Variants in C12orf42 observed in about 807,000 individuals in gnomAD.
C12orf42 encodes uncharacterized protein C12orf42.
C12orf42 carries 25 observed loss-of-function variants against 21.6 expected under a neutral mutation model. The ratio of observed to expected loss-of-function variants is 1.16; its 90% CI spans 0.84 to 1.62. The LOEUF is 1.62. Ranked by LOEUF, C12orf42 falls within the 40% of genes most tolerant of loss-of-function variation. C12orf42 has a pLI of 0.00. For missense variants in C12orf42, 483 were observed against 459.3 expected (o/e 1.05, Z -0.47); for synonymous variants, 174 against 175.0 (o/e 0.99, Z 0.05).
the C12orf42 span, among the ~76,000 whole-genome samples, chr12:103,101,980 G>A: frequency 6.6e-5 from 10 of 152,218 alleles, no homozygotes; most frequent in African/African-American, 2.2e-4. Flanking sequence ...AAGAGCAAAG[G>A]TGTTCAGGGC....
At chr12:103,485,690 C>T (rs935396771) in intron 1 of C12orf42, among the ~76,000 whole-genome samples, 2 of 152,174 alleles carry the variant, frequency 1.3e-5, no homozygotes, top group Non-Finnish European at 2.9e-5. Context: ...TCCTTCACAT[C>T]CCTTGTAAGT....
chr12:103,077,468 A>G, the C12orf42 span, among the ~76,000 whole-genome samples: 1 of 152,252 alleles, frequency 6.6e-6, no homozygotes, highest in Admixed American at 6.5e-5. Flanking sequence ...CAAAGCACAG[A>G]GAAGTTAAAT....
intron 2 of C12orf42, among the ~76,000 whole-genome samples, chr12:103,414,343 T>C (rs2049119317): frequency 6.6e-6 from 1 of 152,114 alleles, no homozygotes; most frequent in Admixed American, 6.5e-5. Flanking sequence ...TTTGTTTTTT[T>C]CTTGGTGATT....
chr12:103,427,907 G>T (rs1420215522), intron 2 of C12orf42, among the ~76,000 whole-genome samples: 1 of 152,100 alleles, frequency 6.6e-6, no homozygotes, highest in South Asian at 2.1e-4. Context: ...GCAGAAGTAA[G>T]TAAGTTCTTT....
At chr12:103,560,492 A>G in the C12orf42 span, among the ~76,000 whole-genome samples, 1 of 65,206 alleles carries the variant, frequency 1.5e-5, no homozygotes, top group African/African-American at 4.8e-5. Flanking sequence ...GGATAATGTA[A>G]GGATCCCTGG....
At chr12:103,423,410 T>C (rs2050094100) in intron 2 of C12orf42, among the ~76,000 whole-genome samples, 1 of 152,208 alleles carries the variant, frequency 6.6e-6, no homozygotes, top group Non-Finnish European at 1.5e-5. Flanking sequence ...TAAAGGGAAA[T>C]CTAGGGCCCA....
chr12:103,102,196 A>G, the C12orf42 span, among the ~76,000 whole-genome samples: 3 of 152,206 alleles, frequency 2.0e-5, no homozygotes, highest in Non-Finnish European at 2.9e-5. Context: ...TTTTATTAAC[A>G]GTCCCAAACT....
intron 10 of C12orf42, among the ~76,000 whole-genome samples, chr12:103,243,310 A>T (rs1371878069): frequency 1.3e-5 from 2 of 152,090 alleles, no homozygotes; most frequent in Admixed American, 1.3e-4. Flanking sequence ...TAAACGTGGT[A>T]GCCACTGTCC....
intron 4 of C12orf42, among the ~76,000 whole-genome samples, chr12:103,363,919 C>A (rs1183243682): frequency 6.6e-6 from 1 of 152,056 alleles, no homozygotes; most frequent in Non-Finnish European, 1.5e-5. Flanking sequence ...ACTCCACTGA[C>A]AGCACTAGAC....
intron 4 of C12orf42, among the ~76,000 whole-genome samples, chr12:103,314,162 C>CCAGATGGATGGAGGGAAAGGG (rs2039237356): frequency 6.6e-6 from 1 of 151,710 alleles, no homozygotes; most frequent in African/African-American, 2.4e-5. Context: ...TGAGAGCAGC[C>CCAGATGGATGGAGGGAAAGGG]CAGATGGATG....
chr12:103,449,081 TGATA>T (rs56702467), intron 2 of C12orf42, among the ~76,000 whole-genome samples: 18,464 of 146,506 alleles, frequency 0.13, 1,260 homozygotes, highest in African/African-American at 0.15. Context: ...AAAGAAAATA[TGATA>T]GATAGATAGA....
At chr12:103,306,465 G>T in intron 4 of C12orf42, 120 bp from the exon 5 acceptor site, 1 of 1,225,188 alleles carries the variant, frequency 8.2e-7, no homozygotes, top group Non-Finnish European at 1.1e-6. Flanking sequence ...TCTACTGTGA[G>T]TAAACAAAAA....
intron 2 of C12orf42, among the ~76,000 whole-genome samples, chr12:103,418,066 C>T (rs1297172006): frequency 6.6e-6 from 1 of 152,180 alleles, no homozygotes; most frequent in Non-Finnish European, 1.5e-5. Context: ...TTTAGAATAA[C>T]TTCTTATTTC....
chr12:103,225,669 G>T, the C12orf42 span, among the ~76,000 whole-genome samples: 4 of 152,244 alleles, frequency 2.6e-5, no homozygotes, highest in Non-Finnish European at 4.4e-5. Context: ...GAACTGGGCA[G>T]GTGGGGATAA....
chr12:103,235,264 C>T (rs544149059), downstream of C12orf42, among the ~76,000 whole-genome samples: 1 of 152,232 alleles, frequency 6.6e-6, no homozygotes, highest in African/African-American at 2.4e-5. Flanking sequence ...AGTAAAATTA[C>T]ATTTCCTTTT....
intron 2 of C12orf42, among the ~76,000 whole-genome samples, chr12:103,403,778 A>G (rs989673259): frequency 1.9e-4 from 29 of 152,324 alleles, no homozygotes; most frequent in Middle Eastern, 3.4e-3. Context: ...CACTCGAACC[A>G]TGTACATTCA....
At chr12:103,461,439 T>C (rs1267450269) in intron 2 of C12orf42, among the ~76,000 whole-genome samples, 30 of 152,154 alleles carry the variant, frequency 2.0e-4, no homozygotes, top group Non-Finnish European at 1.5e-5. Context: ...AATAATACAT[T>C]TCTGATGAGA....
intron 2 of C12orf42, among the ~76,000 whole-genome samples, chr12:103,428,014 AG>A (rs1001125037): frequency 7.5e-4 from 115 of 152,350 alleles, no homozygotes; most frequent in African/African-American, 2.7e-3. Context: ...TGTACACAGG[AG>A]AAAGCAGGAA....
chr12:103,228,527 T>C, the C12orf42 span, among the ~76,000 whole-genome samples: 5 of 152,158 alleles, frequency 3.3e-5, no homozygotes, highest in African/African-American at 7.2e-5. Flanking sequence ...GGGGATGTGA[T>C]GGCTTGGCTT....
Sources: gnomAD v4.1 joint callset for allele counts (sites outside exome capture counted in the v4.1 genomes callset) on GRCh38, gnomAD v4.1.1 for gene constraint, MANE v1.5 for transcripts, NCBI Gene and HGNC (gene_info 2026-07-23, HGNC 2026-07-21) for gene names.